NREP: variants seen among roughly 807,000 people sequenced by gnomAD.
NREP encodes the protein neuronal regeneration related protein.
Under a neutral mutation model 8.6 loss-of-function variants are expected in NREP, and 5 were observed. The ratio of observed to expected loss-of-function variants is 0.58; its 90% CI spans 0.30 to 1.22. The LOEUF is 1.22. Among genes scored for constraint, NREP ranks in the 50% most tolerant of loss-of-function variants. The pLI, the probability that NREP is intolerant of heterozygous loss-of-function variation, is 0.07. For synonymous variants in NREP, 27 were observed against 28.0 expected, an observed-to-expected ratio of 0.96 and a Z score of 0.11; for missense variants, 86 against 82.5, an observed-to-expected ratio of 1.04 and a Z score of -0.17.
chr5:111,851,141 A>C (rs1159286652), intron 2 of NREP, among the ~76,000 whole-genome samples: 2 of 152,194 alleles, frequency 1.3e-5, no homozygotes, highest in African/African-American at 2.4e-5. Flanking sequence ...GACTATGCTC[A>C]GTTCCACCTC....
At chr5:111,877,192 C>T (rs1264508397) in intron 2 of NREP, among the ~76,000 whole-genome samples, 4 of 152,144 alleles carry the variant, frequency 2.6e-5, no homozygotes, top group Non-Finnish European at 4.4e-5. Flanking sequence ...AACACTATTT[C>T]CCACATATCT....
At chr5:111,761,649 T>C (rs1449570006), upstream of NREP, among the ~76,000 whole-genome samples, 1 of 152,226 alleles carries the variant, frequency 6.6e-6, no homozygotes, top group East Asian at 1.9e-4. Flanking sequence ...TGATCGCATA[T>C]GTAACATCCA....
intron 2 of NREP, among the ~76,000 whole-genome samples, chr5:111,934,787 G>C (rs1280258520): frequency 6.6e-6 from 1 of 152,108 alleles, no homozygotes; most frequent in Non-Finnish European, 1.5e-5. Context: ...CAGCCTGGCG[G>C]CAACAAGCCT....
At chr5:111,891,467 TC>T (rs1325155522) in intron 2 of NREP, among the ~76,000 whole-genome samples, 1 of 152,216 alleles carries the variant, frequency 6.6e-6, no homozygotes, top group African/African-American at 2.4e-5. Flanking sequence ...ATTACCCAGT[TC>T]CATTCCAAAC....
At chr5:111,902,989 C>T (rs1754682657) in intron 2 of NREP, among the ~76,000 whole-genome samples, 1 of 151,806 alleles carries the variant, frequency 6.6e-6, no homozygotes, top group South Asian at 2.1e-4. Flanking sequence ...GGTATTATTG[C>T]TTACAAAAGT....
chr5:111,962,264 T>C (rs146920055), intron 2 of NREP, among the ~76,000 whole-genome samples: 36 of 152,264 alleles, frequency 2.4e-4, no homozygotes, highest in Non-Finnish European at 4.3e-4. Context: ...TAGCTAAGAA[T>C]ACATGATCCT....
Position 111,730,870 on chromosome 5 carries a change from G to A in NREP, c.*51C>T. The A allele has an allele frequency of 6.3e-7, 1 of 1,594,962 alleles. No individual in the cohort carries two copies. Among genetic ancestry groups the A allele is most frequent in the East Asian group, 2.2e-5 (1 of 44,568 alleles). On this transcript the variant is annotated 3_prime_UTR_variant, in exon 4 of 4. Coordinates refer to ENST00000257435, the MANE Select transcript of NREP (RefSeq NM_004772.4). ...AAAAAAATCCCATATATGATACCATGACCTCATCAATACCCATACACCATA... is the reference window on the plus strand; with the variant it reads ...AAAAAAATCCCATATATGATACCATAACCTCATCAATACCCATACACCATA...
At chr5:111,905,126 C>T (rs1032502216) in intron 2 of NREP, among the ~76,000 whole-genome samples, 1 of 152,078 alleles carries the variant, frequency 6.6e-6, no homozygotes, top group Admixed American at 6.6e-5. Context: ...CTCCTATATG[C>T]CTTTTGTCAG....
At chr5:111,915,895 C>T (rs775726344) in intron 2 of NREP, among the ~76,000 whole-genome samples, 52 of 151,998 alleles carry the variant, frequency 3.4e-4, no homozygotes, top group East Asian at 7.7e-4. Flanking sequence ...TGCATCTAAA[C>T]GCTAATATTA....
intron 2 of NREP, among the ~76,000 whole-genome samples, chr5:111,959,666 T>G (rs1247061794): frequency 6.6e-6 from 1 of 151,962 alleles, no homozygotes; most frequent in East Asian, 1.9e-4. Context: ...ATATCAACAG[T>G]TAAAGAATTA....
chr5:111,744,075 A>T (rs569352863), intron 2 of NREP, among the ~76,000 whole-genome samples: 3 of 152,188 alleles, frequency 2.0e-5, no homozygotes, highest in Non-Finnish European at 4.4e-5. Context: ...AAGAGTCTGA[A>T]GCGATTTCAA....
intron 2 of NREP, among the ~76,000 whole-genome samples, chr5:111,895,781 A>G (rs1402036295): frequency 6.6e-6 from 1 of 152,164 alleles, no homozygotes; most frequent in South Asian, 2.1e-4. Flanking sequence ...ACAACAAAAA[A>G]TATTTCCAGA....
chr5:111,971,861 G>T (rs1348953324), intron 2 of NREP, among the ~76,000 whole-genome samples: 2 of 151,674 alleles, frequency 1.3e-5, no homozygotes, highest in African/African-American at 4.8e-5. Context: ...GACCCTGAAA[G>T]CGTGGGCAGC....
chr5:111,976,792 G>A, exon 1 of NREP: 4 of 1,514,080 alleles, frequency 2.6e-6, no homozygotes, highest in Non-Finnish European at 3.6e-6. Flanking sequence ...GGACAAAGAA[G>A]CTTCTTGCCG....
chr5:111,850,179 C>G (rs1047961043), intron 2 of NREP, among the ~76,000 whole-genome samples: 2 of 152,150 alleles, frequency 1.3e-5, no homozygotes, highest in Admixed American at 6.6e-5. Flanking sequence ...CCATCCATGT[C>G]TTTGTCCTTT....
chr5:111,737,748 A>C (rs1030190511), intron 2 of NREP, among the ~76,000 whole-genome samples: 9 of 151,694 alleles, frequency 5.9e-5, no homozygotes, highest in African/African-American at 2.2e-4. Flanking sequence ...AAAACAAAAA[A>C]AAAGCCAATG....
intron 2 of NREP, among the ~76,000 whole-genome samples, chr5:111,881,922 C>T (rs1243375280): frequency 1.3e-5 from 2 of 152,270 alleles, no homozygotes; most frequent in East Asian, 1.9e-4. Flanking sequence ...AAGCAGAGCA[C>T]CTCTCCTCCT....
intron 2 of NREP, among the ~76,000 whole-genome samples, chr5:111,798,784 T>C (rs1751933571): frequency 7.0e-6 from 1 of 142,740 alleles, no homozygotes; most frequent in African/African-American, 2.6e-5. Flanking sequence ...TGTATGTGTG[T>C]GTGTATACAT....
chr5:111,789,322 G>C (rs6421833), intron 2 of NREP, among the ~76,000 whole-genome samples: 147,840 of 152,312 alleles, frequency 0.97, 71,910 homozygotes, highest in Non-Finnish European at 1. Flanking sequence ...AATTGACTTT[G>C]TTTTCTCAAA....
Sources: allele counts gnomAD v4.1 joint callset (sites outside exome capture counted in the v4.1 genomes callset), GRCh38; gene constraint gnomAD v4.1.1; transcripts MANE v1.5; gene names NCBI Gene and HGNC (gene_info 2026-07-23, HGNC 2026-07-21).